GATA6: variants seen among roughly 807,000 people sequenced by gnomAD.
GATA6 encodes the protein GATA binding protein 6.
GATA6 carries 11 observed loss-of-function variants against 48.1 expected under a neutral mutation model. The observed-to-expected ratio is 0.23, with a 90% confidence interval of 0.14 to 0.38. GATA6 has a LOEUF of 0.38. Ranked by LOEUF, GATA6 falls within the 10% of genes least tolerant of loss-of-function variation. The probability of loss-of-function intolerance (pLI) is 1.00; values close to 1 mark genes in which losing one functional copy is unlikely to be tolerated. For missense variants in GATA6, 795 were observed against 850.3 expected (o/e 0.93, Z 0.81); for synonymous variants, 419 against 396.1 (o/e 1.06, Z -0.69).
rs1023324008 is a variant in GATA6 at position 22,182,960 on chromosome 18, C to T, written c.1537C>T (p.Pro513Ser). ...TCSGNSNNSI[P>S]MTPTSTSSNS... Reference sequence around the variant, plus strand: ...TGCAGGTAATAGCAATAATTCCATTCCCATGACTCCAACTTCCACCTCTTC... The same window carrying T: ...TGCAGGTAATAGCAATAATTCCATTTCCATGACTCCAACTTCCACCTCTTC... The change falls in exon 6 of 7, where the codon CCC becomes TCC. Residue 513 changes from proline (P) to serine (S), a missense_variant. Coordinates refer to ENST00000269216, the MANE Select transcript of GATA6 (RefSeq NM_005257.6). 1.9e-6 allele frequency: 3 copies of T among 1,613,850 alleles called. No individual in the cohort carries two copies. The African/African-American group carries it at 4.0e-5, about 22-fold the overall frequency.
chr18:22,189,718 G>A (rs2033304965), intron 6 of GATA6, among the ~76,000 whole-genome samples: 1 of 152,194 alleles, frequency 6.6e-6, no homozygotes. Flanking sequence ...GAGCCAAACA[G>A]TGGTGGATTG....
intron 4 of GATA6, among the ~76,000 whole-genome samples, 199 bp from the exon 5 acceptor site, chr18:22,182,558 A>T (rs1442725887): frequency 6.6e-6 from 1 of 152,094 alleles, no homozygotes; most frequent in Non-Finnish European, 1.5e-5. Flanking sequence ...GGGTTTCGTC[A>T]TGTTGGCCAG....
In GATA6 at chr18:22,200,667, G is replaced by C. The variant is rs1331423508; in HGVS notation, c.1632G>C (p.Pro544=). The C allele has an allele frequency of 1.2e-6, 2 of 1,614,246 alleles. No individual in the cohort carries two copies. The highest frequency in any genetic ancestry group is 1.1e-5 in the South Asian group (1 of 91,086). ...TQPTASGAGA[P]VMTGAGESTN... is the part of the protein sequence containing the mutation. ...CCCTCTTCTGCCAGGCGGGTGCCCC[G>C]GTGATGACTGGTGCGGGAGAGAGCA... Residue 544 remains proline, a synonymous_variant, in exon 7 of 7, where the codon CCG becomes CCC. Transcript: ENST00000269216.
Position 22,177,043 on chromosome 18 carries a change from C to T in GATA6, c.1224C>T (p.His408=), listed in dbSNP as rs748218302. 1.3e-6 allele frequency: 2 copies of T among 1,578,456 alleles called. No homozygotes were observed. The highest frequency in any genetic ancestry group is 2.3e-5 in the South Asian group (2 of 86,822). Residue 408 remains histidine (H), a synonymous_variant, in exon 3 of 7, where the codon CAC becomes CAT. Coordinates refer to ENST00000269216, the MANE Select transcript of GATA6 (RefSeq NM_005257.6). ...TGTGGCGGCGGGACGGCACCGGCCACTACCTGTGCAACGCCTGCGGGCTCT... is the reference window on the plus strand; with the variant it reads ...TGTGGCGGCGGGACGGCACCGGCCATTACCTGTGCAACGCCTGCGGGCTCT... ...TPLWRRDGTG[H]YLCNACGLYS... is the part of the protein sequence containing the mutation.
At chr18:22,197,570 A>G (rs926848124) in intron 6 of GATA6, among the ~76,000 whole-genome samples, 1 of 152,074 alleles carries the variant, frequency 6.6e-6, no homozygotes, top group Non-Finnish European at 1.5e-5. Flanking sequence ...CCTGCCTCCC[A>G]TTTTGAACAT....
chr18:22,200,565 A>AC (rs11352746), intron 6 of GATA6, 91 bp from the exon 7 acceptor site: 1 of 1,523,158 alleles, frequency 6.6e-7, no homozygotes, highest in East Asian at 2.3e-5. Context: ...GGCTGCACAG[A>AC]CCCGTTCATT....
chr18:22,194,715 C>G (rs555097209), intron 6 of GATA6, among the ~76,000 whole-genome samples: 4 of 151,464 alleles, frequency 2.6e-5, no homozygotes, highest in Non-Finnish European at 4.4e-5. Context: ...CTCCGCCCCC[C>G]CCTCCCAACA....
At chr18:22,180,266 A>G (rs2033176576) in intron 3 of GATA6, 1 of 152,138 alleles carries the variant, frequency 6.6e-6, no homozygotes, top group African/African-American at 2.4e-5. Context: ...AAAGTAATTT[A>G]CAGCATTTGA....
Position 22,185,860 on chromosome 18 carries a change from T to A in GATA6, c.1620+2817T>A, listed in dbSNP as rs2033257185. Among the ~76,000 whole-genome samples, 2 of 152,238 alleles carry A rather than the reference T, an allele frequency of 1.3e-5. No individual in the cohort carries two copies. The highest frequency in any genetic ancestry group is 2.9e-5 in the Non-Finnish European group (2 of 68,038). ...CTTCATGTGTATGGCATGGCCCATG[T>A]GGCTGCCGAGTAGCTGTGAAGAGTC... On this transcript the variant is annotated intron_variant, in intron 6 of 6. Coordinates refer to ENST00000269216, the MANE Select transcript of GATA6 (RefSeq NM_005257.6). This position sits in a 1 kb window ranked among gnomAD's most constrained non-coding sequence, Gnocchi z 4.3.
intron 6 of GATA6, among the ~76,000 whole-genome samples, chr18:22,187,731 A>G (rs2033280087): frequency 6.6e-6 from 1 of 152,136 alleles, no homozygotes; most frequent in African/African-American, 2.4e-5. Flanking sequence ...AGGATACTTT[A>G]TAGCTCAATC....
chr18:22,196,611 C>T (rs1176028763), intron 6 of GATA6, among the ~76,000 whole-genome samples: 2 of 152,012 alleles, frequency 1.3e-5, no homozygotes, highest in East Asian at 1.9e-4. Context: ...CATGGTGGCA[C>T]ATGCTTGTGG....
chr18:22,174,998 G>A (rs1219462811), intron 2 of GATA6, among the ~76,000 whole-genome samples: 1 of 152,110 alleles, frequency 6.6e-6, no homozygotes, highest in African/African-American at 2.4e-5. Flanking sequence ...CAGAAAGACA[G>A]GTGGTGGTGC....
chr18:22,192,379 T>G (rs1464617119), intron 6 of GATA6, among the ~76,000 whole-genome samples: 1 of 151,888 alleles, frequency 6.6e-6, no homozygotes, highest in Non-Finnish European at 1.5e-5. Flanking sequence ...TTGCGTGGCA[T>G]TTTTTTTCAT....
At chr18:22,182,122 T>C (rs1328292103) in intron 4 of GATA6, among the ~76,000 whole-genome samples, 1 of 152,188 alleles carries the variant, frequency 6.6e-6, no homozygotes, top group African/African-American at 2.4e-5. Context: ...AAAATAACCT[T>C]GCATCTGTAG....
rs1236721466 is a variant in GATA6, at chr18:22,171,453, G to A, written c.309G>A (p.Gly103=). Reference sequence around the variant, plus strand: ...CGGCGCCTGGGGTCGCGGGCCCCGGGGGCAACCTGTCGAGCTGGGAGGACT... The same window carrying A: ...CGGCGCCTGGGGTCGCGGGCCCCGGAGGCAACCTGTCGAGCTGGGAGGACT... ...GPSAPGVAGP[G]GNLSSWEDLL... is the part of the protein sequence containing the mutation. Residue 103 remains glycine, a synonymous_variant, in exon 2 of 7, where the codon GGG becomes GGA. Coordinates refer to ENST00000269216, the MANE Select transcript of GATA6 (RefSeq NM_005257.6). The surrounding 1 kb of genome is among the most constrained non-coding windows in gnomAD (Gnocchi z 7.1). The A allele has an allele frequency of 1.9e-6, 3 of 1,597,146 alleles. No homozygotes were observed. The highest frequency in any genetic ancestry group is 2.5e-6 in the Non-Finnish European group (3 of 1,178,530).
In GATA6 at chr18:22,200,792, C is replaced by G. The variant is rs749567667; in HGVS notation, c.1757C>G (p.Pro586Arg). The G allele has an allele frequency of 6.2e-7, 1 of 1,612,906 alleles. No individual in the cohort carries two copies. Among genetic ancestry groups the G allele is most frequent in the Non-Finnish European group, 8.5e-7 (1 of 1,179,948 alleles). The stretch of plus-strand genomic sequence containing the variant: ...GCCGAAGTCACGTCCTCCGTGCGAC[C>G]GGATTCCTGGTGCGCCCTGGCCCTG... ...SPAEVTSSVR[P>R]DSWCALALA The change falls in exon 7 of 7, where the codon CCG (proline) becomes CGG (arginine). Residue 586 changes from proline to arginine, a missense_variant. This residue lies in a region of GATA6 where 103 missense variants were observed against 103.7 expected (regional missense o/e 0.99). Transcript: ENST00000269216.
intron 6 of GATA6, among the ~76,000 whole-genome samples, chr18:22,194,693 C>T (rs2033368685): frequency 6.6e-6 from 1 of 151,766 alleles, no homozygotes; most frequent in South Asian, 2.1e-4. Flanking sequence ...ATATTTTTCT[C>T]TGATTTCCCC....
rs964471147 is a variant in GATA6, at chr18:22,172,192, C to T, written c.1048C>T (p.Pro350Ser). The T allele has an allele frequency of 1.3e-6, 2 of 1,533,582 alleles. No homozygotes were observed. Among genetic ancestry groups the T allele is most frequent in the Non-Finnish European group, 1.7e-6 (2 of 1,145,862 alleles). 95.0% of individuals were successfully genotyped at this position (1,533,582 alleles called of 1,614,324 possible). A position where few individuals can be genotyped will look rare whatever the true frequency, so the allele number is the denominator to read the frequency against. Residue 350 changes from proline (P) to serine (S), a missense_variant, in exon 2 of 7, where the codon CCC becomes TCC. Physicochemically the swap from Pro to Ser is moderately conservative, Grantham distance 74. Around this residue, in one of 5 missense-constraint regions of GATA6, gnomAD observed 591 missense variants for 570.0 expected, o/e 1.04. Transcript: ENST00000269216. The surrounding 1 kb of genome is among the most constrained non-coding windows in gnomAD (Gnocchi z 5.2). The part of the protein sequence containing the change: ...YVGAPLTPAW[P>S]AGPFETPVLH... ...GGGGGCGCCACTGACGCCTGCCTGGCCCGCCGGACCCTTCGAGACCCCGGT... is the reference window on the plus strand; with the variant it reads ...GGGGGCGCCACTGACGCCTGCCTGGTCCGCCGGACCCTTCGAGACCCCGGT...
chr18:22,200,926 CGTG>C lies in GATA6; in HGVS notation c.*104_*106del, dbSNP rs2033454966. 1 of 1,161,540 alleles carries C rather than the reference CGTG, an allele frequency of 8.6e-7. No homozygotes were observed. Among genetic ancestry groups the C allele is most frequent in the Admixed American group, 2.3e-5 (1 of 43,754 alleles). The allele number at this position is 1,161,540 out of a possible 1,614,324, so 72.0% of individuals were successfully genotyped here. On this transcript the variant is annotated 3_prime_UTR_variant, in exon 7 of 7. Transcript: ENST00000269216. Reference sequence around the variant, plus strand: ...GACAGTGGCGACTGCGCTGACAGAACGTGATTCTCGTGCCTTTATTTTGAAAGA... The same window carrying C: ...GACAGTGGCGACTGCGCTGACAGAACATTCTCGTGCCTTTATTTTGAAAGA...
Sources: gnomAD v4.1 joint callset for allele counts (sites outside exome capture counted in the v4.1 genomes callset) on GRCh38, gnomAD v4.1.1 for gene constraint, gnomAD v4.1.1 regional missense constraint, Gnocchi (gnomAD v3.1) non-coding constraint, MANE v1.5 for transcripts, NCBI Gene and HGNC (gene_info 2026-07-23, HGNC 2026-07-21) for gene names.